The following ERC2 variants were observed in gnomAD, a reference collection of about 807,000 sequenced individuals.
ERC2 encodes the protein ELKS/RAB6-interacting/CAST family member 2.
A neutral mutation model predicts 114.8 loss-of-function variants in ERC2; 42 were observed. That is an observed-to-expected ratio of 0.37 (90% confidence interval 0.29 to 0.47). The LOEUF (loss-of-function observed/expected upper bound fraction) is 0.47, where lower values mean the gene tolerates loss of function less well. ERC2 is among the 20% of genes least tolerant of loss of function. The pLI is 0.99. For missense variants in ERC2, 939 were observed against 1,150.7 expected (o/e 0.82, Z 2.66); for synonymous variants, 454 against 425.5 (o/e 1.07, Z -0.82).
chr3:55,849,131 A>G (rs960939193), intron 14 of ERC2, among the ~76,000 whole-genome samples: 6 of 152,190 alleles, frequency 3.9e-5, no homozygotes, highest in Non-Finnish European at 8.8e-5. Context: ...TTCTATGTGG[A>G]CAAAACTGAG....
chr3:56,318,679 G>A (rs1277754735), intron 2 of ERC2, among the ~76,000 whole-genome samples: 8 of 150,972 alleles, frequency 5.3e-5, no homozygotes, highest in South Asian at 4.2e-4. Flanking sequence ...CATACAAATA[G>A]CCAACATGTA....
chr3:55,718,587 G>C (rs1249206939), intron 15 of ERC2, among the ~76,000 whole-genome samples: 1 of 152,204 alleles, frequency 6.6e-6, no homozygotes, highest in Admixed American at 6.5e-5. Flanking sequence ...CCTGGTAAAG[G>C]AATGTGGAAT....
intron 2 of ERC2, among the ~76,000 whole-genome samples, chr3:56,405,413 C>G (rs2060677648): frequency 6.6e-6 from 1 of 150,658 alleles, no homozygotes; most frequent in African/African-American, 2.4e-5. Context: ...AGTGACAGAG[C>G]AAGAATCCAT....
intron 17 of ERC2, among the ~76,000 whole-genome samples, chr3:55,595,023 A>G (rs1459059426): frequency 6.6e-6 from 1 of 152,104 alleles, no homozygotes; most frequent in Non-Finnish European, 1.5e-5. Flanking sequence ...CCCTACTAAG[A>G]ACCAGGTTCT....
chr3:55,810,366 T>C (rs947163683), intron 14 of ERC2, among the ~76,000 whole-genome samples: 1 of 152,120 alleles, frequency 6.6e-6, no homozygotes, highest in Non-Finnish European at 1.5e-5. Context: ...TCCAAGTATA[T>C]AACACACAGA....
At chr3:55,775,324 G>T (rs186218385) in intron 14 of ERC2, among the ~76,000 whole-genome samples, 4 of 152,198 alleles carry the variant, frequency 2.6e-5, no homozygotes, top group Non-Finnish European at 5.9e-5. Context: ...TTGAGGTCAG[G>T]AGTTTGAGGC....
At chr3:55,983,906 A>G (rs1256510712) in intron 12 of ERC2, among the ~76,000 whole-genome samples, 1 of 152,208 alleles carries the variant, frequency 6.6e-6, no homozygotes, top group Non-Finnish European at 1.5e-5. Context: ...TTAACTGGTA[A>G]ACCTGGAAGT....
intron 3 of ERC2, among the ~76,000 whole-genome samples, chr3:56,266,500 C>T (rs1419605236): frequency 6.6e-6 from 1 of 152,116 alleles, no homozygotes; most frequent in Non-Finnish European, 1.5e-5. Flanking sequence ...AAATAGTCTT[C>T]AGGTTTATGG....
At chr3:56,073,126 C>T (rs2076817636) in intron 7 of ERC2, among the ~76,000 whole-genome samples, 1 of 152,046 alleles carries the variant, frequency 6.6e-6, no homozygotes, top group Non-Finnish European at 1.5e-5. Context: ...AATAATGCCA[C>T]AGAAAAAGTG....
intron 2 of ERC2, among the ~76,000 whole-genome samples, chr3:56,387,614 C>T (rs998210949): frequency 6.6e-6 from 1 of 152,164 alleles, no homozygotes; most frequent in African/African-American, 2.4e-5. Context: ...GCATCCAAGC[C>T]CTTGGACTGC....
intron 7 of ERC2, among the ~76,000 whole-genome samples, chr3:56,032,977 GAGAAAGAAAGAAAGAA>G (rs1553782152): frequency 1.5e-4 from 7 of 45,434 alleles, no homozygotes; most frequent in African/African-American, 2.1e-4. Flanking sequence ...AAGAAAGAAA[GAGAAAGAAAGAAAGAA>G]AGAAAGAAAG....
intron 13 of ERC2, among the ~76,000 whole-genome samples, chr3:55,935,275 C>T (rs186816234): frequency 6.6e-6 from 1 of 152,232 alleles, no homozygotes; most frequent in Admixed American, 6.5e-5. Flanking sequence ...GAGTAATAGT[C>T]GCCATGCTGG....
At chr3:56,102,223 A>T (rs892273956) in intron 6 of ERC2, among the ~76,000 whole-genome samples, 1 of 152,160 alleles carries the variant, frequency 6.6e-6, no homozygotes, top group Non-Finnish European at 1.5e-5. Context: ...GTGGACTGGC[A>T]GCCACACCTC....
At chr3:56,196,918 A>ATAT (rs2048142688) in intron 3 of ERC2, among the ~76,000 whole-genome samples, 1 of 152,114 alleles carries the variant, frequency 6.6e-6, no homozygotes, top group African/African-American at 2.4e-5. Context: ...AACACTGCTA[A>ATAT]TCCCCAGCAT....
At chr3:56,224,893 A>G (rs888906044) in intron 3 of ERC2, among the ~76,000 whole-genome samples, 76 of 152,100 alleles carry the variant, frequency 5.0e-4, no homozygotes, top group African/African-American at 1.7e-3. Flanking sequence ...CACCAACACA[A>G]TGTTGGCAGG....
intron 13 of ERC2, among the ~76,000 whole-genome samples, chr3:55,935,313 T>G (rs1559895702): frequency 6.6e-6 from 1 of 152,170 alleles, no homozygotes; most frequent in Non-Finnish European, 1.5e-5. Context: ...CACGGGGTGA[T>G]AGCTGAGAAG....
chr3:55,783,627 C>T (rs192023970), intron 14 of ERC2, among the ~76,000 whole-genome samples: 3 of 152,260 alleles, frequency 2.0e-5, no homozygotes, highest in African/African-American at 7.2e-5. Context: ...AAGGTAAATT[C>T]AGAGAGATTG....
At chr3:56,029,441 T>G (rs1248643455) in intron 7 of ERC2, among the ~76,000 whole-genome samples, 1 of 152,102 alleles carries the variant, frequency 6.6e-6, no homozygotes, top group Non-Finnish European at 1.5e-5. Flanking sequence ...AATTCTCCAG[T>G]GAAGCCATCA....
At chr3:55,785,452 T>C (rs566732283) in intron 14 of ERC2, among the ~76,000 whole-genome samples, 11 of 152,248 alleles carry the variant, frequency 7.2e-5, no homozygotes, top group Non-Finnish European at 1.6e-4. Context: ...CTGTTTCTTC[T>C]TTCTGCATCC....
Sources: gnomAD v4.1 joint callset for allele counts (sites outside exome capture counted in the v4.1 genomes callset) on GRCh38, gnomAD v4.1.1 for gene constraint, MANE v1.5 for transcripts, NCBI Gene and HGNC (gene_info 2026-07-23, HGNC 2026-07-21) for gene names.